The following EFCAB13 variants were observed in gnomAD, a reference collection of about 807,000 sequenced individuals.
EFCAB13 encodes EF-hand calcium-binding domain-containing protein 13.
A neutral mutation model predicts 110.2 loss-of-function variants in EFCAB13; 91 were observed. The ratio of observed to expected loss-of-function variants is 0.83; its 90% CI spans 0.70 to 0.98. The LOEUF is 0.98. EFCAB13 is among the 50% of genes least tolerant of loss of function. The probability of loss-of-function intolerance (pLI) is 0.00; values close to 1 mark genes in which losing one functional copy is unlikely to be tolerated. For synonymous variants in EFCAB13, 323 were observed against 369.9 expected (o/e 0.87, Z 1.45); for missense variants, 968 against 1,119.4 (o/e 0.86, Z 1.93).
intron 14 of EFCAB13, among the ~76,000 whole-genome samples, chr17:47,389,204 T>A (rs993676311): frequency 1.3e-5 from 2 of 152,152 alleles, no homozygotes; most frequent in African/African-American, 2.4e-5. Context: ...AGCTAATTTT[T>A]AAAAATAATC....
At chr17:47,408,865 G>A (rs190300966) in intron 20 of EFCAB13, among the ~76,000 whole-genome samples, 1 of 151,962 alleles carries the variant, frequency 6.6e-6, no homozygotes, top group East Asian at 1.9e-4. Context: ...ATAATTATCT[G>A]GCCAAAAATA....
intron 17 of EFCAB13, among the ~76,000 whole-genome samples, chr17:47,398,383 G>A (rs1227622389): frequency 6.6e-6 from 1 of 151,238 alleles, no homozygotes; most frequent in Non-Finnish European, 1.5e-5. Context: ...CATTGAGAAC[G>A]GGCCATGATG....
intron 23 of EFCAB13, among the ~76,000 whole-genome samples, chr17:47,424,900 T>G (rs1904887536): frequency 9.9e-6 from 1 of 101,014 alleles, no homozygotes; most frequent in African/African-American, 4.4e-5. Flanking sequence ...TTTTTTTTTT[T>G]GAGACGGAGT....
chr17:47,348,099 A>G, intron 9 of EFCAB13, 148 bp downstream of exon 9: 2 of 615,706 alleles, frequency 3.2e-6, no homozygotes, highest in Non-Finnish European at 4.7e-6. Context: ...AAACATTTTT[A>G]CATGTTACAA....
At chr17:47,396,363 A>G (rs907330564) in intron 17 of EFCAB13, among the ~76,000 whole-genome samples, 1 of 152,166 alleles carries the variant, frequency 6.6e-6, no homozygotes, top group Non-Finnish European at 1.5e-5. Flanking sequence ...GCTTTTATTT[A>G]ATTTGGTAGA....
At chr17:47,417,086 T>C (rs2143480698) in intron 23 of EFCAB13, among the ~76,000 whole-genome samples, 1 of 152,370 alleles carries the variant, frequency 6.6e-6, no homozygotes, top group South Asian at 2.1e-4. Flanking sequence ...CATATTTATA[T>C]AATACTGTTT....
chr17:47,351,044 T>C lies in EFCAB13; in HGVS notation c.661+3093T>C, dbSNP rs865792971. 1.0e-3 allele frequency among the ~76,000 whole-genome samples: 152 copies of C among 152,226 alleles called. No homozygotes were observed. The Middle Eastern group carries it at 0.017, about 17-fold the overall frequency. ...TTATATATTTTACTTATTAAGTAATTTTTCATCCTTCACCCCCTTCCCACA... is the reference window on the plus strand; with the variant it reads ...TTATATATTTTACTTATTAAGTAATCTTTCATCCTTCACCCCCTTCCCACA... On this transcript the variant is annotated intron_variant, in intron 9 of 24. Transcript: ENST00000331493.
At chr17:47,334,108 C>CT (rs1380634354) in intron 4 of EFCAB13, among the ~76,000 whole-genome samples, 9 of 150,950 alleles carry the variant, frequency 6.0e-5, no homozygotes, top group African/African-American at 2.2e-4. Flanking sequence ...CTTCAGTTTC[C>CT]TTTATCAAAG....
At chr17:47,360,702 T>C (rs1032086685) in intron 9 of EFCAB13, among the ~76,000 whole-genome samples, 3 of 152,296 alleles carry the variant, frequency 2.0e-5, no homozygotes, top group Non-Finnish European at 4.4e-5. Context: ...TCCTCGCCCA[T>C]GCCTATGTCC....
chr17:47,394,159 A>G, intron 16 of EFCAB13, 60 bp downstream of exon 16: 1 of 1,143,954 alleles, frequency 8.7e-7, no homozygotes, highest in Non-Finnish European at 1.2e-6. Context: ...CAGATTTTAG[A>G]AGAGCGTAAA....
intron 9 of EFCAB13, among the ~76,000 whole-genome samples, chr17:47,355,482 T>C (rs1020297191): frequency 6.6e-6 from 1 of 152,214 alleles, no homozygotes; most frequent in African/African-American, 2.4e-5. Flanking sequence ...TTTAACAAAC[T>C]TTCAGATTTC....
intron 23 of EFCAB13, among the ~76,000 whole-genome samples, chr17:47,428,834 A>T (rs1905045069): frequency 6.6e-6 from 1 of 152,076 alleles, no homozygotes; most frequent in African/African-American, 2.4e-5. Flanking sequence ...TAATTTCTGA[A>T]TTTTTATGAT....
rs767072969 is a variant in EFCAB13 at position 47,414,819 on chromosome 17, T to A, written c.2423-29T>A. ...TGCCAATTCAGTATCAGGTTTTTAA[T>A]GTCAGCATTTTTTACTTTGACCTTC... On this transcript the variant is annotated intron_variant, in intron 22 of 24. Transcript: ENST00000331493. 2.1e-6 allele frequency: 3 copies of A among 1,461,010 alleles called. No homozygotes were observed. The South Asian group carries it at 3.6e-5, about 17-fold the overall frequency. The allele number at this position is 1,461,010 out of a possible 1,614,324, so 90.5% of individuals were successfully genotyped here.
chr17:47,366,392 T>C (rs890479682), intron 10 of EFCAB13, among the ~76,000 whole-genome samples: 1 of 152,112 alleles, frequency 6.6e-6, no homozygotes, highest in Admixed American at 6.5e-5. Context: ...GTGCAGTTTT[T>C]GCTAGAGGAG....
chr17:47,337,849 G>C (rs368742281), intron 5 of EFCAB13, among the ~76,000 whole-genome samples: 1 of 152,108 alleles, frequency 6.6e-6, no homozygotes, highest in African/African-American at 2.4e-5. Flanking sequence ...GAACTGTAGC[G>C]TATGAGTTAT....
At chr17:47,354,029 C>G (rs1483112666) in intron 9 of EFCAB13, among the ~76,000 whole-genome samples, 1 of 152,082 alleles carries the variant, frequency 6.6e-6, no homozygotes, top group African/African-American at 2.4e-5. Flanking sequence ...ATTAACTTTC[C>G]TCTTAATACT....
At chr17:47,438,455 A>G (rs1206913840) in intron 24 of EFCAB13, among the ~76,000 whole-genome samples, 1 of 150,950 alleles carries the variant, frequency 6.6e-6, no homozygotes, top group Non-Finnish European at 1.5e-5. Flanking sequence ...GTTGTTTAAC[A>G]TAATCACAGA....
chr17:47,420,862 G>C (rs374035106), intron 23 of EFCAB13, among the ~76,000 whole-genome samples: 14 of 151,166 alleles, frequency 9.3e-5, no homozygotes, highest in Non-Finnish European at 2.1e-4. Context: ...GGAGGGAGGT[G>C]GGGGGGTCAG....
intron 23 of EFCAB13, among the ~76,000 whole-genome samples, chr17:47,423,133 G>A (rs988005689): frequency 6.6e-6 from 1 of 152,070 alleles, no homozygotes; most frequent in Non-Finnish European, 1.5e-5. Flanking sequence ...GTATCATTTT[G>A]CTAAAAATGA....
Sources: allele counts gnomAD v4.1 joint callset (sites outside exome capture counted in the v4.1 genomes callset), GRCh38; gene constraint gnomAD v4.1.1; transcripts MANE v1.5; gene names NCBI Gene and HGNC (gene_info 2026-07-23, HGNC 2026-07-21).